Variants in LRBA observed in about 807,000 individuals in gnomAD.
LRBA encodes lipopolysaccharide-responsive and beige-like anchor protein.
In LRBA, 176 loss-of-function variants were observed where a neutral mutation model predicts 330.0. The ratio of observed to expected loss-of-function variants is 0.53; its 90% CI spans 0.47 to 0.60. The LOEUF (loss-of-function observed/expected upper bound fraction) is 0.60. LRBA is among the 20% of genes least tolerant of loss of function. The probability of loss-of-function intolerance (pLI) is 0.00; values close to 1 mark genes in which losing one functional copy is unlikely to be tolerated. For synonymous variants in LRBA, 1,230 were observed against 1,193.0 expected, an observed-to-expected ratio of 1.03 and a Z score of -0.64; for missense variants, 3,259 against 3,444.8, an observed-to-expected ratio of 0.95 and a Z score of 1.35.
chr4:150,841,626 C>T (rs1233767665), intron 28 of LRBA, among the ~76,000 whole-genome samples: 3 of 150,688 alleles, frequency 2.0e-5, no homozygotes, highest in Non-Finnish European at 4.4e-5. Flanking sequence ...GGTCATTTCC[C>T]TTTTTTTTTC....
At position 150,963,311 on chromosome 4, in the gene LRBA, G is replaced by A. The variant is rs989342998; in HGVS notation, c.217-34246C>T. On this transcript the variant is annotated intron_variant, in intron 2 of 56. Transcript: ENST00000651943. ...CCTGATTCTCCTGCCTCAGCCTGCC[G>A]AGTGCCTGGGATTGCAGGCATGCGC... is the stretch of plus-strand genomic sequence containing the variant. Among the ~76,000 whole-genome samples the A allele has an allele frequency of 3.4e-5, 5 of 149,152 alleles. 1 individual carries two copies. Among genetic ancestry groups the A allele is most frequent in the African/African-American group, 1.0e-4 (4 of 38,566 alleles).
intron 39 of LRBA, among the ~76,000 whole-genome samples, chr4:150,589,297 T>TA (rs1772528639): frequency 6.6e-6 from 1 of 152,168 alleles, no homozygotes; most frequent in Non-Finnish European, 1.5e-5. Flanking sequence ...AGAAGGGTGA[T>TA]AGTGCTTAAT....
chr4:150,639,360 T>TAAAAAAAAAAGAAAAA (rs1778270449), intron 37 of LRBA, among the ~76,000 whole-genome samples: 1 of 106,696 alleles, frequency 9.4e-6, no homozygotes, highest in African/African-American at 3.7e-5. Context: ...TAAAGTATAA[T>TAAAAAAAAAAGAAAAA]AAAAAAAAAA....
chr4:150,566,986 A>C (rs945988506), intron 40 of LRBA, among the ~76,000 whole-genome samples: 1 of 152,142 alleles, frequency 6.6e-6, no homozygotes, highest in African/African-American at 2.4e-5. Context: ...AGTATAAAAT[A>C]TGCAGCATTT....
chr4:150,278,771 TCATGACA>T (rs1012926546), intron 55 of LRBA, among the ~76,000 whole-genome samples: 2 of 152,194 alleles, frequency 1.3e-5, no homozygotes, highest in African/African-American at 2.4e-5. Flanking sequence ...CTTGAATTTT[TCATGACA>T]CATGAATATT....
Position 150,797,496 on chromosome 4 carries a change from A to G in LRBA, c.5580+585T>C, listed in dbSNP as rs143314654. Among the ~76,000 whole-genome samples, 61 of 152,136 alleles carry G rather than the reference A, an allele frequency of 4.0e-4. 1 individual carries two copies. The highest frequency in any genetic ancestry group is 3.4e-3 in the Admixed American group (52 of 15,292). ...ACCTCACAGGATACATGATTTTTAT[A>G]TAAGTTTTTTTTAAAAAAATCATTA... On this transcript the variant is annotated intron_variant, in intron 34 of 56. Coordinates refer to ENST00000651943, the MANE Select transcript of LRBA (RefSeq NM_001364905.1).
At chr4:150,514,960 C>A (rs1306120546) in intron 40 of LRBA, among the ~76,000 whole-genome samples, 1 of 152,122 alleles carries the variant, frequency 6.6e-6, no homozygotes, top group Non-Finnish European at 1.5e-5. Flanking sequence ...AGGTTCATAG[C>A]TAACCTTTAT....
At chr4:150,440,714 T>G (rs1751709079) in intron 44 of LRBA, among the ~76,000 whole-genome samples, 1 of 152,066 alleles carries the variant, frequency 6.6e-6, no homozygotes, top group South Asian at 2.1e-4. Flanking sequence ...TGAGCTGTAA[T>G]CGCGCCACTG....
At chr4:150,646,964 A>C (rs544460868) in intron 37 of LRBA, among the ~76,000 whole-genome samples, 1 of 152,132 alleles carries the variant, frequency 6.6e-6, no homozygotes, top group African/African-American at 2.4e-5. Context: ...AGAGATATTC[A>C]GTGTGTATGT....
intron 52 of LRBA, among the ~76,000 whole-genome samples, chr4:150,308,239 C>T (rs11734641): frequency 0.17 from 26,489 of 152,080 alleles, 2,782 homozygotes; most frequent in East Asian, 0.26. Flanking sequence ...TTTTGGTCAA[C>T]GATGGACCAC....
At chr4:150,995,359 A>T (rs983662050) in intron 2 of LRBA, among the ~76,000 whole-genome samples, 1 of 152,062 alleles carries the variant, frequency 6.6e-6, no homozygotes, top group African/African-American at 2.4e-5. Flanking sequence ...AAATAATGAA[A>T]AAAGCCCCCA....
At chr4:150,564,403 T>C (rs939837839) in intron 40 of LRBA, among the ~76,000 whole-genome samples, 23 of 152,194 alleles carry the variant, frequency 1.5e-4, no homozygotes, top group South Asian at 1.2e-3. Context: ...GGATTAAAGA[T>C]GTAAATGTTA....
In LRBA at chr4:150,697,349, A is replaced by C. The variant is rs866011709; in HGVS notation, c.5755-13632T>G. ...AGAAAAAAAAAAAAAAAAAAAAAAAAAACAGGGAGAGTTTCACAGAGGAAT... is the reference window on the plus strand; with the variant it reads ...AGAAAAAAAAAAAAAAAAAAAAAAACAACAGGGAGAGTTTCACAGAGGAAT... On this transcript the variant is annotated intron_variant, in intron 36 of 56. Transcript: ENST00000651943. Among the ~76,000 whole-genome samples, 183 of 148,390 alleles carry C rather than the reference A, an allele frequency of 1.2e-3. 2 individuals carry two copies. Among genetic ancestry groups the C allele is most frequent in the African/African-American group, 4.4e-3 (173 of 39,756 alleles).
At chr4:150,918,895 T>C (rs1346383158) in intron 5 of LRBA, among the ~76,000 whole-genome samples, 3 of 152,172 alleles carry the variant, frequency 2.0e-5, no homozygotes, top group African/African-American at 7.2e-5. Context: ...ACAAAGACCA[T>C]ATGACCTAAT....
intron 9 of LRBA, among the ~76,000 whole-genome samples, chr4:150,910,568 T>C (rs1444943123): frequency 2.0e-5 from 3 of 152,304 alleles, no homozygotes; most frequent in African/African-American, 2.4e-5. Flanking sequence ...TTATGTATCA[T>C]AGCCTTGTAA....
At chr4:150,829,408 G>C (rs1235148371) in intron 29 of LRBA, among the ~76,000 whole-genome samples, 3 of 152,074 alleles carry the variant, frequency 2.0e-5, no homozygotes, top group African/African-American at 7.2e-5. Flanking sequence ...TTTAATCAGG[G>C]TTTCAACCCA....
chr4:150,794,679 T>C (rs545168997), intron 34 of LRBA, among the ~76,000 whole-genome samples: 21 of 152,106 alleles, frequency 1.4e-4, no homozygotes, highest in Admixed American at 3.9e-4. Flanking sequence ...AATCTACATA[T>C]TTTGTTGAAA....
At chr4:150,322,361 G>A (rs1732629516) in intron 49 of LRBA, among the ~76,000 whole-genome samples, 1 of 152,134 alleles carries the variant, frequency 6.6e-6, no homozygotes, top group Non-Finnish European at 1.5e-5. Flanking sequence ...GTGGTGGTGT[G>A]CTATCATACA....
In LRBA at chr4:150,718,889, T is replaced by C. The variant is rs370713099; in HGVS notation, c.5754+16369A>G. Among the ~76,000 whole-genome samples, 9 of 152,222 alleles carry C rather than the reference T, an allele frequency of 5.9e-5. No individual in the cohort carries two copies. The East Asian group carries it at 1.4e-3, about 23-fold the overall frequency. ...TCTAATAAAATTTGAACCAAATTCA[T>C]AGATTAGTAATTGGGAAACAGATTA... is the stretch of plus-strand genomic sequence containing the variant. On this transcript the variant is annotated intron_variant, in intron 36 of 56. Coordinates refer to ENST00000651943, the MANE Select transcript of LRBA (RefSeq NM_001364905.1).
Sources: allele counts gnomAD v4.1 joint callset (sites outside exome capture counted in the v4.1 genomes callset), GRCh38; gene constraint gnomAD v4.1.1; transcripts MANE v1.5; gene names NCBI Gene and HGNC (gene_info 2026-07-23, HGNC 2026-07-21).